The following EPHA10 variants were observed in gnomAD, a reference collection of about 807,000 sequenced individuals.
EPHA10 encodes the protein ephrin type-A receptor 10.
Under a neutral mutation model 109.7 loss-of-function variants are expected in EPHA10, and 120 were observed. That is an observed-to-expected ratio of 1.09 (90% confidence interval 0.94 to 1.27). The LOEUF (loss-of-function observed/expected upper bound fraction) is 1.27, where lower values mean the gene tolerates loss of function less well. Among genes scored for constraint, EPHA10 ranks in the 50% most tolerant of loss-of-function variants. The pLI, the probability that EPHA10 is intolerant of heterozygous loss-of-function variation, is 0.00. For missense variants in EPHA10, 1,396 were observed against 1,411.1 expected, an observed-to-expected ratio of 0.99 and a Z score of 0.17; for synonymous variants, 640 against 618.9, an observed-to-expected ratio of 1.03 and a Z score of -0.51.
In EPHA10 at chr1:37,754,255, A is replaced by G. The variant is rs775363067; in HGVS notation, c.966T>C (p.Tyr322=). ...ASTFCVCQDS[Y]ARSPTDPPSA... is the part of the protein sequence containing the mutation. ...AGGGCGGGTCGGTGGGTGAGCGCGC[A>G]TAGCTGTCCTGGCACACGCAGAAGG... The change falls in exon 4 of 17, where the codon TAT becomes TAC. Residue 322 remains tyrosine, a synonymous_variant. Coordinates refer to ENST00000373048, the MANE Select transcript of EPHA10 (RefSeq NM_001099439.2). The surrounding 1 kb of genome is among the most constrained non-coding windows in gnomAD (Gnocchi z 4.5). 1.5e-6 allele frequency: 2 copies of G among 1,322,640 alleles called. No homozygotes were observed. The highest frequency in any genetic ancestry group is 1.9e-6 in the Non-Finnish European group (2 of 1,030,080). The allele number at this position is 1,322,640 out of a possible 1,614,324, so 81.9% of individuals were successfully genotyped here.
At chr1:37,720,252 G>T in intron 13 of EPHA10, 99 bp downstream of exon 13, 1 of 1,424,036 alleles carries the variant, frequency 7.0e-7, no homozygotes, top group Non-Finnish European at 9.4e-7. Flanking sequence ...CAACTGGGTG[G>T]AGGGGCAGGG....
chr1:37,719,195 CG>C, intron 15 of EPHA10: 1 of 612,448 alleles, frequency 1.6e-6, no homozygotes. Flanking sequence ...TCATTGTACC[CG>C]GGGATGTGGG....
chr1:37,721,644 G>T lies in EPHA10; in HGVS notation c.2146+16C>A. The T allele has an allele frequency of 1.9e-6, 3 of 1,591,580 alleles. No individual in the cohort carries two copies. The highest frequency in any genetic ancestry group is 1.1e-5 in the South Asian group (1 of 88,886). ...ACCCGTGGGCTGGGCAGCAGGAAGGGAGCACCGGGCCCTACCTCGGGTAAC... is the reference window on the plus strand; with the variant it reads ...ACCCGTGGGCTGGGCAGCAGGAAGGTAGCACCGGGCCCTACCTCGGGTAAC... On this transcript the variant is annotated intron_variant, in intron 11 of 16. Coordinates refer to ENST00000373048, the MANE Select transcript of EPHA10 (RefSeq NM_001099439.2).
chr1:37,762,069 G>A lies in EPHA10; in HGVS notation c.186C>T (p.Ser62=), dbSNP rs183480278. 6.9e-5 allele frequency: 110 copies of A among 1,587,844 alleles called. 1 individual carries two copies. In the African/African-American group the frequency reaches 9.8e-4, roughly 14 times the overall value. Residue 62 remains serine, a synonymous_variant, in exon 3 of 17, where the codon AGC becomes AGT. Coordinates refer to ENST00000373048, the MANE Select transcript of EPHA10 (RefSeq NM_001099439.2). ...TGGGACGGTCGTGTTCATCCACGCCGCTGATCTCCTCCCACTGGGGACAAG... is the reference window on the plus strand; with the variant it reads ...TGGGACGGTCGTGTTCATCCACGCCACTGATCTCCTCCCACTGGGGACAAG... ...ALPSNGWEEI[S]GVDEHDRPIR...
chr1:37,732,686 C>T (rs560148120), intron 6 of EPHA10, among the ~76,000 whole-genome samples: 1 of 152,068 alleles, frequency 6.6e-6, no homozygotes, highest in Non-Finnish European at 1.5e-5. Flanking sequence ...GTAAGCAAGC[C>T]CCTCTGCATC....
chr1:37,755,327 T>TGC, intron 3 of EPHA10, among the ~76,000 whole-genome samples: 1 of 125,138 alleles, frequency 8.0e-6, no homozygotes, highest in Middle Eastern at 3.9e-3. Flanking sequence ...CAAGCATACA[T>TGC]GCACACACAC....
At chr1:37,727,471 G>A (rs932127881) in intron 7 of EPHA10, among the ~76,000 whole-genome samples, 1 of 152,228 alleles carries the variant, frequency 6.6e-6, no homozygotes, top group Non-Finnish European at 1.5e-5. Flanking sequence ...CAGACAGGCA[G>A]GGCCAGGCCT....
rs1296435537 is a variant in EPHA10, at chr1:37,719,441, G to A, written c.2729C>T (p.Pro910Leu). ...GGGACAGGTAGTCAGGGCACACTTG[G>A]GGGGCTCTGGGTCCTGCACCATCTT... ...LSKMVQDPEP[P>L]KCALTTCPRP... Residue 910 changes from proline (P) to leucine (L), a missense_variant, in exon 15 of 17, where the codon CCC becomes CTC. By Grantham distance (98) the Pro-to-Leu change is moderately conservative. Transcript: ENST00000373048. 1.2e-6 allele frequency: 2 copies of A among 1,613,552 alleles called. No homozygotes were observed. Among genetic ancestry groups the A allele is most frequent in the Non-Finnish European group, 8.5e-7 (1 of 1,179,968 alleles).
In EPHA10 at chr1:37,731,472, C is replaced by G. The variant is rs77925917; in HGVS notation, c.1602G>C (p.Pro534=). The G allele has an allele frequency of 8.7e-6, 14 of 1,613,930 alleles. No homozygotes were observed. Among genetic ancestry groups the G allele is most frequent in the Non-Finnish European group, 1.2e-5 (14 of 1,179,916 alleles). Residue 534 remains proline, a synonymous_variant, in exon 7 of 17, where the codon CCG becomes CCC. Transcript: ENST00000373048. ...RYVFQIRAAS[P]GPSWEAQSFN... Reference sequence around the variant, plus strand: ...AACTCTGGGCCTCCCAGGATGGCCCCGGGGAAGCGGCCCGGATCTGAAAGA... The same window carrying G: ...AACTCTGGGCCTCCCAGGATGGCCCGGGGGAAGCGGCCCGGATCTGAAAGA...
Position 37,752,857 on chromosome 1 carries a change from G to C in EPHA10, c.1357+19C>G, listed in dbSNP as rs916296871. On this transcript the variant is annotated intron_variant, in intron 5 of 16. Transcript: ENST00000373048. ...GGCAGGCGCGGTGGCCTCGGGGTGGGGGGCGCGGACGGCCTTACCCCCGGG... is the reference window on the plus strand; with the variant it reads ...GGCAGGCGCGGTGGCCTCGGGGTGGCGGGCGCGGACGGCCTTACCCCCGGG... The C allele has an allele frequency of 8.0e-7, 1 of 1,256,912 alleles. No individual in the cohort carries two copies. 77.9% of individuals were successfully genotyped at this position (1,256,912 alleles called of 1,614,324 possible). A position where few individuals can be genotyped will look rare whatever the true frequency, so the allele number is the denominator to read the frequency against.
intron 5 of EPHA10, among the ~76,000 whole-genome samples, chr1:37,739,939 A>G (rs1646128380): frequency 2.0e-5 from 3 of 151,448 alleles, no homozygotes; most frequent in African/African-American, 7.3e-5. Flanking sequence ...ACAAAAAATC[A>G]AACAATTAGC....
chr1:37,715,466 GT>G (rs1645677702), downstream of EPHA10, among the ~76,000 whole-genome samples: 2 of 152,186 alleles, frequency 1.3e-5, no homozygotes, highest in Admixed American at 6.5e-5. Flanking sequence ...TGCTGGCCGG[GT>G]GACCTCCTTC....
At chr1:37,762,143 C>T in intron 2 of EPHA10, 60 bp from the exon 3 acceptor site, 2 of 1,482,386 alleles carry the variant, frequency 1.3e-6, no homozygotes, top group South Asian at 2.7e-5. Context: ...GGAGGTGGAG[C>T]GCTAGCAGTG....
intron 5 of EPHA10, among the ~76,000 whole-genome samples, chr1:37,750,051 T>C (rs995334206): frequency 6.6e-6 from 1 of 152,208 alleles, no homozygotes; most frequent in African/African-American, 2.4e-5. Context: ...AGGGATTTTA[T>C]AGGTAGATAG....
intron 8 of EPHA10, 45 bp downstream of exon 8, chr1:37,727,057 G>A (rs368701362): frequency 3.1e-5 from 47 of 1,506,374 alleles, no homozygotes; most frequent in Non-Finnish European, 4.2e-5. Flanking sequence ...ATGTGCACGG[G>A]ACATGACCCA....
intron 7 of EPHA10, among the ~76,000 whole-genome samples, chr1:37,727,507 T>A (rs551966100): frequency 6.6e-6 from 1 of 152,274 alleles, no homozygotes; most frequent in African/African-American, 2.4e-5. Context: ...AGATGAGCAG[T>A]GAGGGACTCA....
At chr1:37,719,642 C>G (rs1417629098) in intron 14 of EPHA10, 35 bp from the exon 15 acceptor site, 5 of 1,609,498 alleles carry the variant, frequency 3.1e-6, no homozygotes, top group Non-Finnish European at 4.2e-6. Flanking sequence ...AGAGGAGGCT[C>G]TGGGTTTCCC....
In EPHA10 at chr1:37,753,187, C is replaced by T; in HGVS notation, c.1046G>A (p.Ser349Asn). Residue 349 changes from serine (S) to asparagine (N), a missense_variant, in exon 5 of 17, where the codon AGC (serine) becomes AAC (asparagine). Coordinates refer to ENST00000373048, the MANE Select transcript of EPHA10 (RefSeq NM_001099439.2). The part of the protein sequence containing the change: ...SAPRDLQYSL[S>N]RSPLVLRLRW... ...CAGTCGCAGCACCAGCGGCGAGCGG[C>T]TCAGGCTGTACTGCAGGTCCCGCGG... is the stretch of plus-strand genomic sequence containing the variant. 1.4e-6 allele frequency: 2 copies of T among 1,394,470 alleles called. No individual in the cohort carries two copies. The highest frequency in any genetic ancestry group is 1.9e-6 in the Non-Finnish European group (2 of 1,077,208). 86.4% of individuals were successfully genotyped at this position (1,394,470 alleles called of 1,614,324 possible). A position where few individuals can be genotyped will look rare whatever the true frequency, so the allele number is the denominator to read the frequency against.
chr1:37,719,204 G>A (rs1457903457), intron 15 of EPHA10, among the ~76,000 whole-genome samples: 1 of 152,194 alleles, frequency 6.6e-6, no homozygotes, highest in Non-Finnish European at 1.5e-5. Flanking sequence ...CCGGGGATGT[G>A]GGCAAAATCC....
Sources: gnomAD v4.1 joint callset for allele counts (sites outside exome capture counted in the v4.1 genomes callset) on GRCh38, gnomAD v4.1.1 for gene constraint, Gnocchi (gnomAD v3.1) non-coding constraint, MANE v1.5 for transcripts, NCBI Gene and HGNC (gene_info 2026-07-23, HGNC 2026-07-21) for gene names.